HDAC9: variants seen among roughly 807,000 people sequenced by gnomAD.
HDAC9 encodes the protein MEF-2 interacting transcription repressor (MITR) protein.
HDAC9 carries 41 observed loss-of-function variants against 139.4 expected under a neutral mutation model. That is an observed-to-expected ratio of 0.29 (90% confidence interval 0.23 to 0.38). The LOEUF (loss-of-function observed/expected upper bound fraction) is 0.38. Ranked by LOEUF, HDAC9 falls within the 10% of genes least tolerant of loss-of-function variation. The pLI, the probability that HDAC9 is intolerant of heterozygous loss-of-function variation, is 1.00. For missense variants in HDAC9, 1,147 were observed against 1,297.0 expected, an observed-to-expected ratio of 0.88 and a Z score of 1.78; for synonymous variants, 517 against 476.2, an observed-to-expected ratio of 1.09 and a Z score of -1.12.
chr7:18,167,167 G>A (rs1181467889), intron 2 of HDAC9, among the ~76,000 whole-genome samples: 1 of 150,660 alleles, frequency 6.6e-6, no homozygotes, highest in Non-Finnish European at 1.5e-5. Flanking sequence ...AACACTGTAT[G>A]TTAAAGTTAT....
chr7:18,882,800 T>C (rs886387079), intron 22 of HDAC9, among the ~76,000 whole-genome samples: 3 of 152,166 alleles, frequency 2.0e-5, no homozygotes, highest in Admixed American at 1.3e-4. Flanking sequence ...GTTTAGATGA[T>C]ATATTTGAGC....
intron 1 of HDAC9, among the ~76,000 whole-genome samples, chr7:18,300,560 A>G (rs1003688692): frequency 6.6e-6 from 1 of 152,192 alleles, no homozygotes; most frequent in South Asian, 2.1e-4. Context: ...AATTATATGT[A>G]GACATTATTT....
intron 1 of HDAC9, among the ~76,000 whole-genome samples, chr7:18,384,769 G>GAA (rs111871459): frequency 1.7e-5 from 2 of 120,568 alleles, no homozygotes; most frequent in Non-Finnish European, 1.8e-5. Context: ...GGAGAAAAAA[G>GAA]AAAAAAAAAA....
intron 1 of HDAC9, among the ~76,000 whole-genome samples, chr7:18,319,936 C>G (rs961005016): frequency 6.6e-6 from 1 of 152,102 alleles, no homozygotes; most frequent in South Asian, 2.1e-4. Context: ...ATTTTAGTTA[C>G]TCTAGCAGGT....
chr7:18,430,917 TA>T (rs1012131872), intron 1 of HDAC9, among the ~76,000 whole-genome samples: 3 of 151,922 alleles, frequency 2.0e-5, no homozygotes, highest in Admixed American at 6.6e-5. Flanking sequence ...AAAACAAAAC[TA>T]AACCTTACCC....
chr7:18,816,443 T>G (rs1030024067), intron 17 of HDAC9, among the ~76,000 whole-genome samples: 3 of 152,210 alleles, frequency 2.0e-5, no homozygotes, highest in African/African-American at 7.2e-5. Context: ...ATAGGCATAT[T>G]GAATAAATGA....
Position 18,985,338 on chromosome 7 carries a change from C to T in HDAC9, c.3170+9385C>T, listed in dbSNP as rs375982127. ...TGCGGTGTTTGGTTTTTTGTTCTTG[C>T]GATAGTTTACTGAGAATGATGTTTT... On this transcript the variant is annotated intron_variant, in intron 25 of 25. Transcript: ENST00000686413. 6.5e-3 allele frequency among the ~76,000 whole-genome samples: 984 copies of T among 152,046 alleles called. 10 individuals carry two copies. Among genetic ancestry groups the T allele is most frequent in the African/African-American group, 0.017 (714 of 41,476 alleles).
At chr7:18,330,215 T>C (rs938103606) in intron 1 of HDAC9, among the ~76,000 whole-genome samples, 7 of 151,724 alleles carry the variant, frequency 4.6e-5, no homozygotes, top group African/African-American at 1.7e-4. Context: ...CATCTGTAAT[T>C]CTTCACACTT....
At chr7:18,617,061 A>G (rs1013050715) in intron 6 of HDAC9, among the ~76,000 whole-genome samples, 3 of 152,106 alleles carry the variant, frequency 2.0e-5, no homozygotes, top group Admixed American at 6.6e-5. Context: ...GTTTTCCTTT[A>G]TTTCATCCAG....
chr7:18,633,821 A>G (rs142933295), intron 7 of HDAC9, among the ~76,000 whole-genome samples: 234 of 152,226 alleles, frequency 1.5e-3, no homozygotes, highest in Middle Eastern at 6.8e-3. Flanking sequence ...GGAAATTTAT[A>G]TTTTTGATTA....
chr7:18,428,448 T>C (rs1288559447), intron 1 of HDAC9, among the ~76,000 whole-genome samples: 1 of 152,160 alleles, frequency 6.6e-6, no homozygotes, highest in Non-Finnish European at 1.5e-5. Flanking sequence ...CATTTAAAAA[T>C]GGGCTAAAGG....
intron 2 of HDAC9, chr7:18,509,350 G>C (rs1395456527): frequency 1.0e-6 from 1 of 985,332 alleles, no homozygotes; most frequent in Admixed American, 6.1e-5. Flanking sequence ...GGGGAAGACT[G>C]TCAGCTACGA....
At chr7:18,862,384 A>G (rs912728625) in intron 21 of HDAC9, among the ~76,000 whole-genome samples, 1 of 152,214 alleles carries the variant, frequency 6.6e-6, no homozygotes, top group Non-Finnish European at 1.5e-5. Flanking sequence ...GAATCCCCCC[A>G]GTCTCATATA....
intron 2 of HDAC9, among the ~76,000 whole-genome samples, chr7:18,260,159 T>G (rs1202352638): frequency 6.6e-6 from 1 of 152,176 alleles, no homozygotes; most frequent in Non-Finnish European, 1.5e-5. Context: ...ACCTGTGCCT[T>G]TATAGTGAGT....
intron 21 of HDAC9, among the ~76,000 whole-genome samples, chr7:18,842,737 A>G (rs1025446344): frequency 3.3e-5 from 5 of 152,146 alleles, no homozygotes; most frequent in South Asian, 4.1e-4. Flanking sequence ...AAAAATTACA[A>G]TTTCTAGGTG....
chr7:18,823,505 T>C (rs1795141670), intron 17 of HDAC9, among the ~76,000 whole-genome samples: 1 of 152,166 alleles, frequency 6.6e-6, no homozygotes, highest in African/African-American at 2.4e-5. Flanking sequence ...AATTTTACCA[T>C]GGGAGTATGT....
rs113333741 is a variant in HDAC9, at chr7:18,466,754, C to A, written c.-41-29508C>A. The stretch of plus-strand genomic sequence containing the variant: ...TTGCCATGTAGTGTAACACATTCAA[C>A]GAAGTAAGACTAGGGGGGTGAAAAT... On this transcript the variant is annotated intron_variant, in intron 1 of 3. Transcript: ENST00000413509. 7.9e-3 allele frequency among the ~76,000 whole-genome samples: 1,200 copies of A among 152,246 alleles called. 17 individuals are homozygous for A. Among genetic ancestry groups the A allele is most frequent in the African/African-American group, 0.027 (1,137 of 41,546 alleles).
chr7:18,869,546 C>A (rs1395906415), intron 21 of HDAC9, among the ~76,000 whole-genome samples: 1 of 152,102 alleles, frequency 6.6e-6, no homozygotes, highest in East Asian at 1.9e-4. Context: ...ATAAATTACC[C>A]AGTCTCAGGT....
intron 2 of HDAC9, among the ~76,000 whole-genome samples, chr7:18,174,262 C>T (rs779167596): frequency 9.9e-5 from 15 of 152,238 alleles, no homozygotes; most frequent in Non-Finnish European, 1.6e-4. Flanking sequence ...CTTGTGCATG[C>T]GTCATGTAGT....
Sources: allele counts gnomAD v4.1 joint callset (sites outside exome capture counted in the v4.1 genomes callset), GRCh38; gene constraint gnomAD v4.1.1; transcripts MANE v1.5; gene names NCBI Gene and HGNC (gene_info 2026-07-23, HGNC 2026-07-21).